Variants in CDK6 observed in about 807,000 individuals in gnomAD.
CDK6 encodes the protein cyclin dependent kinase 6.
In CDK6, 6 loss-of-function variants were observed where a neutral mutation model predicts 37.1. The observed-to-expected ratio is 0.16, with a 90% CI of 0.09 to 0.32. The LOEUF (loss-of-function observed/expected upper bound fraction) is 0.32, where lower values mean the gene tolerates loss of function less well. Ranked by LOEUF, CDK6 falls within the 10% of genes least tolerant of loss-of-function variation. The pLI, the probability that CDK6 is intolerant of heterozygous loss-of-function variation, is 1.00. For missense variants in CDK6, 224 were observed against 418.9 expected, an observed-to-expected ratio of 0.53 and a Z score of 4.06; for synonymous variants, 160 against 161.3, an observed-to-expected ratio of 0.99 and a Z score of 0.06.
intron 3 of CDK6, among the ~76,000 whole-genome samples, chr7:92,752,596 CG>C (rs574024180): frequency 5.9e-5 from 9 of 152,132 alleles, no homozygotes; most frequent in Non-Finnish European, 1.3e-4. Context: ...CATGTTTAAA[CG>C]TAAGTGTTTT....
rs920528268 is a variant in CDK6 at position 92,605,653 on chromosome 7, GCTTT to G, written c.*9483_*9486del. The stretch of plus-strand genomic sequence containing the variant: ...CTGAAGACAGTAGCCTTAGAGATAA[GCTTT>G]CTTTCTTTCTTCTTCTTTTGCTTCA... On this transcript the variant is annotated 3_prime_UTR_variant, in exon 8 of 8. Coordinates refer to ENST00000424848, the MANE Select transcript of CDK6 (RefSeq NM_001145306.2). 59 of 233,212 alleles carry G rather than the reference GCTTT, an allele frequency of 2.5e-4. No homozygotes were observed. Among genetic ancestry groups the G allele is most frequent in the African/African-American group, 1.1e-3 (52 of 45,474 alleles). The allele number at this position is 233,212 out of a possible 1,614,324, so 14.4% of individuals were successfully genotyped here. A position where few individuals can be genotyped will look rare whatever the true frequency, so the allele number is the denominator to read the frequency against.
intron 4 of CDK6, among the ~76,000 whole-genome samples, chr7:92,675,174 T>C (rs924634496): frequency 3.3e-5 from 5 of 152,212 alleles, no homozygotes; most frequent in Non-Finnish European, 7.3e-5. Flanking sequence ...TAAAAAACTT[T>C]AGTAAGGCTG....
At chr7:92,819,449 G>A (rs997377059) in intron 2 of CDK6, among the ~76,000 whole-genome samples, 1 of 152,026 alleles carries the variant, frequency 6.6e-6, no homozygotes, top group Non-Finnish European at 1.5e-5. Context: ...TATTGATTGT[G>A]GTGGTGGTTA....
chr7:92,740,798 A>G (rs1197931514), intron 3 of CDK6, among the ~76,000 whole-genome samples: 2 of 152,154 alleles, frequency 1.3e-5, no homozygotes, highest in African/African-American at 4.8e-5. Context: ...CGAATTTGAG[A>G]AGCCAGAAAG....
At chr7:92,694,418 T>C (rs1403714860) in intron 4 of CDK6, among the ~76,000 whole-genome samples, 1 of 152,156 alleles carries the variant, frequency 6.6e-6, no homozygotes, top group Non-Finnish European at 1.5e-5. Context: ...TCCAGGTCAG[T>C]GATGCTGTTC....
At chr7:92,632,754 T>C (rs1004044050) in intron 5 of CDK6, among the ~76,000 whole-genome samples, 1 of 152,060 alleles carries the variant, frequency 6.6e-6, no homozygotes, top group Non-Finnish European at 1.5e-5. Flanking sequence ...ATCTACTATG[T>C]ATCCACAAAA....
chr7:92,617,946 C>T, intron 7 of CDK6, 126 bp downstream of exon 7: 1 of 846,292 alleles, frequency 1.2e-6, no homozygotes, highest in Non-Finnish European at 1.8e-6. Context: ...CCTCCTGCTC[C>T]ATGTGGCTGT....
intron 5 of CDK6, among the ~76,000 whole-genome samples, chr7:92,666,050 G>A (rs1796949077): frequency 6.6e-6 from 1 of 152,230 alleles, no homozygotes; most frequent in South Asian, 2.1e-4. Flanking sequence ...ATGACAAATG[G>A]TAACTCCCTT....
intron 5 of CDK6, among the ~76,000 whole-genome samples, chr7:92,627,832 T>A (rs1795963204): frequency 6.6e-6 from 1 of 151,898 alleles, no homozygotes; most frequent in African/African-American, 2.4e-5. Flanking sequence ...AAAAAGGTGG[T>A]TAAGAAATTA....
intron 3 of CDK6, among the ~76,000 whole-genome samples, chr7:92,771,276 T>C (rs1353437361): frequency 5.5e-5 from 8 of 146,028 alleles, no homozygotes; most frequent in African/African-American, 2.0e-4. Context: ...ATCTTAGATA[T>C]GTGACTCCGT....
chr7:92,655,288 A>G (rs979778504), intron 5 of CDK6, among the ~76,000 whole-genome samples: 2 of 152,150 alleles, frequency 1.3e-5, no homozygotes, highest in African/African-American at 4.8e-5. Flanking sequence ...AAAGCTCCCA[A>G]TATTTTAAAT....
chr7:92,818,457 C>G (rs1801083961), intron 2 of CDK6, among the ~76,000 whole-genome samples: 1 of 151,710 alleles, frequency 6.6e-6, no homozygotes, highest in Non-Finnish European at 1.5e-5. Context: ...TTGAATGCAT[C>G]ACAAATCTAA....
rs1584132676 is a variant in CDK6, at chr7:92,833,192, G to A, written c.132C>T (p.Arg44=). 6.2e-7 allele frequency: 1 copy of A among 1,609,720 alleles called. No individual in the cohort carries two copies. The highest frequency in any genetic ancestry group is 8.5e-7 in the Non-Finnish European group (1 of 1,178,726). Residue 44 remains arginine (R), a synonymous_variant, in exon 2 of 8, where the codon CGC becomes CGT. Coordinates refer to ENST00000424848, the MANE Select transcript of CDK6 (RefSeq NM_001145306.2). This position sits in a 1 kb window ranked among gnomAD's most constrained non-coding sequence, Gnocchi z 6.1. ...CCTCCTCGCCGGTCTGCACCCGCAC[G>A]CGCTTCAACGCCACGAAACGGCCTC... is the stretch of plus-strand genomic sequence containing the variant. The part of the protein sequence containing the change: ...KNGGRFVALK[R]VRVQTGEEGM...
At chr7:92,660,923 G>A (rs2116580085) in intron 5 of CDK6, among the ~76,000 whole-genome samples, 2 of 152,278 alleles carry the variant, frequency 1.3e-5, no homozygotes, top group Middle Eastern at 6.8e-3. Context: ...GTTTGGCCCT[G>A]GAGCCCATCT....
At chr7:92,768,894 C>T (rs915170416) in intron 3 of CDK6, among the ~76,000 whole-genome samples, 2 of 152,090 alleles carry the variant, frequency 1.3e-5, no homozygotes, top group Non-Finnish European at 2.9e-5. Context: ...CCACCAGGAG[C>T]TGAGAGGGGC....
chr7:92,664,656 T>C (rs975085037), intron 5 of CDK6, among the ~76,000 whole-genome samples: 2 of 152,224 alleles, frequency 1.3e-5, no homozygotes. Context: ...CTATTTGTTA[T>C]ATTCTTCCTG....
At chr7:92,687,172 C>T (rs747317761) in intron 4 of CDK6, among the ~76,000 whole-genome samples, 48 of 152,166 alleles carry the variant, frequency 3.2e-4, no homozygotes, top group Non-Finnish European at 4.6e-4. Context: ...TTCTGAGAGA[C>T]GAAGCAGATT....
At chr7:92,690,942 T>C (rs972336405) in intron 4 of CDK6, among the ~76,000 whole-genome samples, 1 of 152,238 alleles carries the variant, frequency 6.6e-6, no homozygotes, top group Non-Finnish European at 1.5e-5. Flanking sequence ...TCTTGCTATA[T>C]ATCTGTATTA....
chr7:92,792,205 C>T lies in CDK6; in HGVS notation c.234-17374G>A, dbSNP rs140145009. Among the ~76,000 whole-genome samples the T allele has an allele frequency of 1.5e-3, 231 of 152,198 alleles. 2 individuals are homozygous for T. Among genetic ancestry groups the T allele is most frequent in the African/African-American group, 5.1e-3 (212 of 41,546 alleles). ...ATACAACTAACAAATATTGACTGAG[C>T]ACATTATACTCTTCAGCTGTCTATC... On this transcript the variant is annotated intron_variant, in intron 2 of 7. Coordinates refer to ENST00000424848, the MANE Select transcript of CDK6 (RefSeq NM_001145306.2).
Sources: gnomAD v4.1 joint callset for allele counts (sites outside exome capture counted in the v4.1 genomes callset) on GRCh38, gnomAD v4.1.1 for gene constraint, Gnocchi (gnomAD v3.1) non-coding constraint, MANE v1.5 for transcripts, NCBI Gene and HGNC (gene_info 2026-07-23, HGNC 2026-07-21) for gene names.